Variants in SYT1 observed in about 807,000 individuals in gnomAD.
SYT1 encodes the protein synaptotagmin 1, also known as synaptotagmin-1.
SYT1 carries 8 observed loss-of-function variants against 44.8 expected under a neutral mutation model. The ratio of observed to expected loss-of-function variants is 0.18; its 90% CI spans 0.10 to 0.32. The LOEUF is 0.32. SYT1 is among the 10% of genes least tolerant of loss of function. The probability of loss-of-function intolerance (pLI) is 1.00; values close to 1 mark genes in which losing one functional copy is unlikely to be tolerated. For synonymous variants in SYT1, 154 were observed against 188.8 expected (o/e 0.82, Z 1.51); for missense variants, 286 against 509.3 (o/e 0.56, Z 4.22).
intron 2 of SYT1, among the ~76,000 whole-genome samples, chr12:78,985,091 G>A (rs538173049): frequency 2.6e-5 from 4 of 151,498 alleles, no homozygotes; most frequent in Non-Finnish European, 4.4e-5. Flanking sequence ...AAAGAACAAC[G>A]AATGACATAA....
intron 2 of SYT1, among the ~76,000 whole-genome samples, chr12:78,993,540 T>C (rs918041436): frequency 1.3e-5 from 2 of 152,220 alleles, no homozygotes; most frequent in Non-Finnish European, 2.9e-5. Context: ...CATTTCTGTT[T>C]TTCTAGAAGC....
chr12:79,402,456 T>C (rs1885104731), intron 9 of SYT1, among the ~76,000 whole-genome samples: 2 of 152,178 alleles, frequency 1.3e-5, no homozygotes, highest in South Asian at 4.1e-4. Flanking sequence ...ATTTCTGTTC[T>C]TCAAGCTAAT....
At chr12:79,317,651 G>A (rs755907791) in intron 8 of SYT1, among the ~76,000 whole-genome samples, 3 of 152,126 alleles carry the variant, frequency 2.0e-5, no homozygotes, top group Non-Finnish European at 4.4e-5. Flanking sequence ...TGACTGTCGG[G>A]CGAAGTGTCA....
At chr12:78,918,268 C>A (rs1025126956) in intron 1 of SYT1, among the ~76,000 whole-genome samples, 1 of 152,024 alleles carries the variant, frequency 6.6e-6, no homozygotes, top group Non-Finnish European at 1.5e-5. Flanking sequence ...GGGAAGAGGC[C>A]AGGAAAGCAT....
At chr12:79,292,427 G>C (rs1489521135) in intron 6 of SYT1, among the ~76,000 whole-genome samples, 1 of 152,210 alleles carries the variant, frequency 6.6e-6, no homozygotes, top group Non-Finnish European at 1.5e-5. Context: ...TCTAGCCACA[G>C]TCTCACCTTC....
At chr12:78,923,088 T>C (rs1877098862) in intron 1 of SYT1, among the ~76,000 whole-genome samples, 1 of 151,930 alleles carries the variant, frequency 6.6e-6, no homozygotes, top group African/African-American at 2.4e-5. Flanking sequence ...TGCATTACAG[T>C]ATATCATCCA....
intron 3 of SYT1, among the ~76,000 whole-genome samples, chr12:79,215,469 C>T (rs189853472): frequency 1.6e-4 from 24 of 152,202 alleles, no homozygotes; most frequent in Middle Eastern, 6.8e-3. Flanking sequence ...AGATCTGAGC[C>T]GATATCTGTC....
chr12:79,137,478 C>T (rs1421023435), intron 3 of SYT1, among the ~76,000 whole-genome samples: 2 of 152,038 alleles, frequency 1.3e-5, no homozygotes, highest in African/African-American at 4.8e-5. Flanking sequence ...ACATTATACA[C>T]AATAATACAA....
intron 8 of SYT1, among the ~76,000 whole-genome samples, chr12:79,315,514 T>A (rs1287471049): frequency 6.6e-6 from 1 of 152,122 alleles, no homozygotes; most frequent in Non-Finnish European, 1.5e-5. Flanking sequence ...AAATCTGTTT[T>A]TAAAAAAAAG....
chr12:79,308,652 G>GAAAGA (rs1565901654), intron 8 of SYT1, among the ~76,000 whole-genome samples: 117 of 108,844 alleles, frequency 1.1e-3, no homozygotes, highest in African/African-American at 2.9e-3. Context: ...AAGAAAGAAA[G>GAAAGA]AAAGAAAAGA....
chr12:79,446,027 ATATAT>A (rs1246236566), intron 10 of SYT1, among the ~76,000 whole-genome samples: 2 of 129,638 alleles, frequency 1.5e-5, no homozygotes, highest in African/African-American at 3.0e-5. Context: ...ATATATATAT[ATATAT>A]ATTATGCCTA....
Position 79,059,075 on chromosome 12 carries a change from A to G in SYT1, c.-18+11713A>G, listed in dbSNP as rs1875179265. Reference sequence around the variant, plus strand: ...GGCCTCACAATCATGCCAGAAGGTGAATGGGGGTCAAAGGCACATCTTACA... The same window carrying G: ...GGCCTCACAATCATGCCAGAAGGTGGATGGGGGTCAAAGGCACATCTTACA... On this transcript the variant is annotated intron_variant, in intron 3 of 10. Transcript: ENST00000261205. 1.3e-5 allele frequency among the ~76,000 whole-genome samples: 2 copies of G among 151,996 alleles called. 1 individual carries two copies. Among genetic ancestry groups the G allele is most frequent in the South Asian group, 4.2e-4 (2 of 4,814 alleles).
intron 1 of SYT1, among the ~76,000 whole-genome samples, chr12:78,872,729 A>G (rs1382902656): frequency 2.0e-5 from 3 of 151,758 alleles, no homozygotes; most frequent in African/African-American, 7.3e-5. Context: ...AATCTTCACC[A>G]GCTGAATTAA....
chr12:79,303,008 C>T (rs879852898), intron 8 of SYT1, among the ~76,000 whole-genome samples: 21 of 152,142 alleles, frequency 1.4e-4, no homozygotes, highest in Non-Finnish European at 4.4e-5. Context: ...GTGCAAAAGG[C>T]TACCAATATG....
At chr12:79,174,373 G>C (rs1322373970) in intron 3 of SYT1, among the ~76,000 whole-genome samples, 2 of 151,754 alleles carry the variant, frequency 1.3e-5, no homozygotes, top group Non-Finnish European at 2.9e-5. Flanking sequence ...AGTGGTATTG[G>C]CTGATAAATA....
rs113448423 is a variant in SYT1, at chr12:79,315,451, A to G, written c.810+15900A>G. On this transcript the variant is annotated intron_variant, in intron 8 of 10. Transcript: ENST00000261205. ...AGTTTGGCCTCAAACTCCTGGCCTCAAACAATCCTCTCACCTAAGCCTCAT... is the reference window on the plus strand; with the variant it reads ...AGTTTGGCCTCAAACTCCTGGCCTCGAACAATCCTCTCACCTAAGCCTCAT... Among the ~76,000 whole-genome samples the G allele has an allele frequency of 7.9e-5, 12 of 152,252 alleles. 1 individual carries two copies. The highest frequency in any genetic ancestry group is 2.9e-4 in the African/African-American group (12 of 41,562).
chr12:79,035,953 A>C (rs74777217), intron 2 of SYT1, among the ~76,000 whole-genome samples: 3,653 of 122,168 alleles, frequency 0.03, 49 homozygotes, highest in Non-Finnish European at 0.032. Flanking sequence ...AACAAACAAA[A>C]AAAAAAAAAA....
intron 4 of SYT1, among the ~76,000 whole-genome samples, chr12:79,221,022 G>A (rs1333277146): frequency 6.6e-6 from 1 of 152,044 alleles, no homozygotes; most frequent in Non-Finnish European, 1.5e-5. Flanking sequence ...TGAAAATGGG[G>A]TGTTAAGTCA....
chr12:79,017,191 A>G (rs1871864771), intron 2 of SYT1, among the ~76,000 whole-genome samples: 1 of 152,180 alleles, frequency 6.6e-6, no homozygotes, highest in African/African-American at 2.4e-5. Context: ...ACTTTAAGAA[A>G]AATATGACTT....
Sources: allele counts gnomAD v4.1 joint callset (sites outside exome capture counted in the v4.1 genomes callset), GRCh38; gene constraint gnomAD v4.1.1; transcripts MANE v1.5; gene names NCBI Gene and HGNC (gene_info 2026-07-23, HGNC 2026-07-21).